Variants in SLC9A5 observed in about 807,000 individuals in gnomAD.
SLC9A5 encodes the protein solute carrier family 9 member A5.
A neutral mutation model predicts 91.7 loss-of-function variants in SLC9A5; 52 were observed. The observed-to-expected ratio is 0.57, with a 90% CI of 0.45 to 0.71. The LOEUF (loss-of-function observed/expected upper bound fraction) is 0.71. SLC9A5 is among the 30% of genes least tolerant of loss of function. The pLI is 0.00. For missense variants in SLC9A5, 871 were observed against 1,158.9 expected, an observed-to-expected ratio of 0.75 and a Z score of 3.61; for synonymous variants, 419 against 474.5, an observed-to-expected ratio of 0.88 and a Z score of 1.52.
At chr16:67,265,552 G>A (rs1197696791) in intron 14 of SLC9A5, among the ~76,000 whole-genome samples, 2 of 152,180 alleles carry the variant, frequency 1.3e-5, no homozygotes, top group African/African-American at 2.4e-5. Context: ...CCAAGTAGCT[G>A]GGATTACATG....
Position 67,259,489 on chromosome 16 carries a change from G to A in SLC9A5, c.1627-84G>A, listed in dbSNP as rs558762243. The A allele has an allele frequency of 9.2e-5, 88 of 954,536 alleles. 1 individual carries two copies. The African/African-American group carries it at 9.2e-4, about 10-fold the overall frequency. 59.1% of individuals were successfully genotyped at this position (954,536 alleles called of 1,614,324 possible). On this transcript the variant is annotated intron_variant, in intron 10 of 15. Transcript: ENST00000299798. ...TGTCAAAAGAGTAAACTAAGTGTTCGTTATTATTATTTTCTTTATTACCCC... is the reference window on the plus strand; with the variant it reads ...TGTCAAAAGAGTAAACTAAGTGTTCATTATTATTATTTTCTTTATTACCCC...
chr16:67,255,237 C>A lies in SLC9A5; in HGVS notation c.654+53C>A. ...CCTGACCCCAGGCTGCATGCTCTGA[C>A]CAACTAGGGGTCTGCGCAGACTCAG... On this transcript the variant is annotated intron_variant, in intron 3 of 15. Coordinates refer to ENST00000299798, the MANE Select transcript of SLC9A5 (RefSeq NM_004594.3). The surrounding 1 kb of genome is among the most constrained non-coding windows in gnomAD (Gnocchi z 4.9). 6.3e-7 allele frequency: 1 copy of A among 1,590,542 alleles called. No individual in the cohort carries two copies. The highest frequency in any genetic ancestry group is 8.6e-7 in the Non-Finnish European group (1 of 1,164,732).
chr16:67,250,986 C>T (rs1395445729), intron 1 of SLC9A5, among the ~76,000 whole-genome samples: 2 of 152,204 alleles, frequency 1.3e-5, no homozygotes, highest in Non-Finnish European at 2.9e-5. Context: ...CAGAACTGTT[C>T]TATTTAATTA....
In SLC9A5 at chr16:67,256,751, T is replaced by C. The variant is rs1187167645; in HGVS notation, c.1132+62T>C. On this transcript the variant is annotated intron_variant, in intron 6 of 15. Transcript: ENST00000299798. This position sits in a 1 kb window ranked among gnomAD's most constrained non-coding sequence, Gnocchi z 4.1. Reference sequence around the variant, plus strand: ...CTGTCCCGCCCCTCCCTGCAGCTCATCTCCCTATCTGAGTCCACATCTTTG... The same window carrying C: ...CTGTCCCGCCCCTCCCTGCAGCTCACCTCCCTATCTGAGTCCACATCTTTG... 7.2e-7 allele frequency: 1 copy of C among 1,390,748 alleles called. No homozygotes were observed. Among genetic ancestry groups the C allele is most frequent in the Non-Finnish European group, 1.0e-6 (1 of 982,952 alleles). The allele number at this position is 1,390,748 out of a possible 1,614,324, so 86.2% of individuals were successfully genotyped here.
Position 67,255,586 on chromosome 16 carries a change from A to G in SLC9A5, c.733+115A>G. 7.6e-7 allele frequency: 1 copy of G among 1,315,558 alleles called. No homozygotes were observed. 81.5% of individuals were successfully genotyped at this position (1,315,558 alleles called of 1,614,324 possible). A position where few individuals can be genotyped will look rare whatever the true frequency, so the allele number is the denominator to read the frequency against. ...CTATTCGGGTTGCCTCATCTCCTCTATAGAGAAATGGGGTCTGGGAGGGGC... is the reference window on the plus strand; with the variant it reads ...CTATTCGGGTTGCCTCATCTCCTCTGTAGAGAAATGGGGTCTGGGAGGGGC... On this transcript the variant is annotated intron_variant, in intron 4 of 15. Coordinates refer to ENST00000299798, the MANE Select transcript of SLC9A5 (RefSeq NM_004594.3). This position sits in a 1 kb window ranked among gnomAD's most constrained non-coding sequence, Gnocchi z 4.9.
At chr16:67,259,710 C>T in intron 11 of SLC9A5, 49 bp downstream of exon 11, 3 of 1,596,708 alleles carry the variant, frequency 1.9e-6, no homozygotes, top group Non-Finnish European at 1.7e-6. Flanking sequence ...TCCATTGTGC[C>T]CTCTCTCTGA....
chr16:67,250,134 C>T (rs374519877), intron 1 of SLC9A5, among the ~76,000 whole-genome samples: 7 of 152,352 alleles, frequency 4.6e-5, no homozygotes, highest in African/African-American at 7.2e-5. Context: ...AGGAATCACC[C>T]AGAGCCTAGA....
At chr16:67,250,126 GA>G (rs1196060545) in intron 1 of SLC9A5, among the ~76,000 whole-genome samples, 1 of 152,208 alleles carries the variant, frequency 6.6e-6, no homozygotes, top group East Asian at 1.9e-4. Context: ...CTTCATGGAG[GA>G]ATCACCCAGA....
In SLC9A5 at chr16:67,271,124, A is replaced by G. The variant is rs1050514858; in HGVS notation, c.2605A>G (p.Met869Val). 1.9e-6 allele frequency: 3 copies of G among 1,613,648 alleles called. No individual in the cohort carries two copies. Among genetic ancestry groups the G allele is most frequent in the South Asian group, 1.1e-5 (1 of 91,076 alleles). The change falls in exon 16 of 16, where the codon ATG becomes GTG. Residue 869 changes from methionine to valine, a missense_variant. Met to Val is a conservative substitution (Grantham distance 21). Coordinates refer to ENST00000299798, the MANE Select transcript of SLC9A5 (RefSeq NM_004594.3). ...CCAGCAGCAGGAGCTGCAGCCCCTC[A>G]TGGGCCACAAGGACCACACCCATCT... ...LPQQQELQPL[M>V]GHKDHTHLSP...
rs1193800530 is a variant in SLC9A5 at position 67,270,182 on chromosome 16, T to TTTTTTA, written c.2219-546_2219-541dup. Among the ~76,000 whole-genome samples, 1 of 152,132 alleles carries TTTTTTA rather than the reference T, an allele frequency of 6.6e-6. No homozygotes were observed. The highest frequency in any genetic ancestry group is 1.5e-5 in the Non-Finnish European group (1 of 68,038). ...GGCTCCTGCTTTTGCTATCTTCTTA[T>TTTTTTA]TTTTTATTTTTATTTATTTTTTATA... On this transcript the variant is annotated intron_variant, in intron 15 of 15. Transcript: ENST00000299798. This position sits in a 1 kb window ranked among gnomAD's most constrained non-coding sequence, Gnocchi z 4.3.
chr16:67,257,585 C>T lies in SLC9A5; in HGVS notation c.1480C>T (p.His494Tyr). The T allele has an allele frequency of 6.2e-7, 1 of 1,614,144 alleles. No individual in the cohort carries two copies. The highest frequency in any genetic ancestry group is 1.7e-5 in the Admixed American group (1 of 60,012). ...VEDVVGHHGY[H>Y]YWRDRWEQFD... ...GGACGTTGTGGGGCACCATGGCTAC[C>T]ACTACTGGAGGGACAGGTGAGGGAG... The change falls in exon 9 of 16, where the codon CAC becomes TAC. Residue 494 changes from histidine to tyrosine, a missense_variant. This residue lies in a region of SLC9A5 where 454 missense variants were observed against 718.3 expected (regional missense o/e 0.63). Transcript: ENST00000299798. The surrounding 1 kb of genome is among the most constrained non-coding windows in gnomAD (Gnocchi z 5.1).
intron 12 of SLC9A5, among the ~76,000 whole-genome samples, chr16:67,260,598 C>T (rs1002072899): frequency 1.3e-5 from 2 of 151,934 alleles, no homozygotes; most frequent in African/African-American, 4.8e-5. Flanking sequence ...AAGAGGGGCA[C>T]GTAGGCCTAG....
Position 67,257,685 on chromosome 16 carries a change from A to G in SLC9A5, c.1496+84A>G. 1 of 1,428,470 alleles carries G rather than the reference A, an allele frequency of 7.0e-7. No homozygotes were observed. The highest frequency in any genetic ancestry group is 2.3e-5 in the East Asian group (1 of 43,992). 88.5% of individuals were successfully genotyped at this position (1,428,470 alleles called of 1,614,324 possible). On this transcript the variant is annotated intron_variant, in intron 9 of 15. Coordinates refer to ENST00000299798, the MANE Select transcript of SLC9A5 (RefSeq NM_004594.3). This position sits in a 1 kb window ranked among gnomAD's most constrained non-coding sequence, Gnocchi z 5.1. The stretch of plus-strand genomic sequence containing the variant: ...TGGGGGATGTGCCACACTTCTGAGA[A>G]GGGACAGAGCCAGGTTCAGGCTGGG...
At chr16:67,261,596 C>G (rs983490842) in intron 12 of SLC9A5, 1 of 152,126 alleles carries the variant, frequency 6.6e-6, no homozygotes, top group Admixed American at 6.6e-5. Flanking sequence ...ATCTTTTCCC[C>G]GCTGGATGTT....
Position 67,268,700 on chromosome 16 carries a change from ATATATATATATT to A in SLC9A5, c.2219-2036_2219-2025del, listed in dbSNP as rs1378712086. Among the ~76,000 whole-genome samples, 435 of 89,774 alleles carry A rather than the reference ATATATATATATT, an allele frequency of 4.8e-3. 4 individuals are homozygous for A. Among genetic ancestry groups the A allele is most frequent in the Non-Finnish European group, 7.0e-3 (316 of 45,074 alleles). 58.9% of individuals were successfully genotyped at this position (89,774 alleles called of 152,430 possible). A position where few individuals can be genotyped will look rare whatever the true frequency, so the allele number is the denominator to read the frequency against. ...TATATATATATATATATATATATATATATATATATATTTTTACAGTAGGCTTGTCCAATGTCC... is the reference window on the plus strand; with the variant it reads ...TATATATATATATATATATATATATATTTACAGTAGGCTTGTCCAATGTCC... On this transcript the variant is annotated intron_variant, in intron 15 of 15. Coordinates refer to ENST00000299798, the MANE Select transcript of SLC9A5 (RefSeq NM_004594.3).
chr16:67,255,713 C>A lies in SLC9A5; in HGVS notation c.734-40C>A. ...GCAGTCTTGTCAGCCCGGGTAGGGT[C>A]CGGGCCAGGGGTCATGCTGACAACC... On this transcript the variant is annotated intron_variant, in intron 4 of 15. Coordinates refer to ENST00000299798, the MANE Select transcript of SLC9A5 (RefSeq NM_004594.3). This position sits in a 1 kb window ranked among gnomAD's most constrained non-coding sequence, Gnocchi z 4.9. 6.6e-7 allele frequency: 1 copy of A among 1,524,002 alleles called. No individual in the cohort carries two copies. The highest frequency in any genetic ancestry group is 8.8e-7 in the Non-Finnish European group (1 of 1,132,500). 94.4% of individuals were successfully genotyped at this position (1,524,002 alleles called of 1,614,324 possible). A position where few individuals can be genotyped will look rare whatever the true frequency, so the allele number is the denominator to read the frequency against.
At position 67,257,152 on chromosome 16, in the gene SLC9A5, G is replaced by A. The variant is rs1194029665; in HGVS notation, c.1335+39G>A. On this transcript the variant is annotated intron_variant, in intron 7 of 15. Transcript: ENST00000299798. The surrounding 1 kb of genome is among the most constrained non-coding windows in gnomAD (Gnocchi z 5.1). ...CAAGGCTGGGTAGGGAGAGGGTTGGGCAGGCCCTGGGGGAGTCTTGGAGCC... is the reference window on the plus strand; with the variant it reads ...CAAGGCTGGGTAGGGAGAGGGTTGGACAGGCCCTGGGGGAGTCTTGGAGCC... The A allele has an allele frequency of 1.9e-6, 3 of 1,574,872 alleles. No homozygotes were observed. Among genetic ancestry groups the A allele is most frequent in the African/African-American group, 1.3e-5 (1 of 74,448 alleles).
At position 67,271,388 on chromosome 16, in the gene SLC9A5, C is replaced by G. The variant is rs1034113666; in HGVS notation, c.*178C>G. 1.5e-5 allele frequency: 9 copies of G among 616,462 alleles called. No homozygotes were observed. The Admixed American group carries it at 2.5e-4, about 17-fold the overall frequency. The allele number at this position is 616,462 out of a possible 1,614,324, so 38.2% of individuals were successfully genotyped here. ...AGCTGGTCCTCACAGGGGCCTTTCT[C>G]ACCACCTCCCTGCTCCTAACCCCTG... On this transcript the variant is annotated 3_prime_UTR_variant, in exon 16 of 16. Coordinates refer to ENST00000299798, the MANE Select transcript of SLC9A5 (RefSeq NM_004594.3).
chr16:67,268,493 C>A (rs1415947614), intron 15 of SLC9A5, among the ~76,000 whole-genome samples: 1 of 149,516 alleles, frequency 6.7e-6, no homozygotes, highest in Admixed American at 6.7e-5. Context: ...CCCCAGGAGG[C>A]TGAGGCTGCA....
Sources: gnomAD v4.1 joint callset for allele counts (sites outside exome capture counted in the v4.1 genomes callset) on GRCh38, gnomAD v4.1.1 for gene constraint, gnomAD v4.1.1 regional missense constraint, Gnocchi (gnomAD v3.1) non-coding constraint, MANE v1.5 for transcripts, NCBI Gene and HGNC (gene_info 2026-07-23, HGNC 2026-07-21) for gene names.